Variants in NDUFAF2 observed in about 807,000 individuals in gnomAD.
NDUFAF2 encodes the protein NADH:ubiquinone oxidoreductase complex assembly factor 2, also known as NADH dehydrogenase [ubiquinone] 1 alpha subcomplex assembly factor 2.
Under a neutral mutation model 22.8 loss-of-function variants are expected in NDUFAF2, and 13 were observed. The observed-to-expected ratio is 0.57, with a 90% CI of 0.37 to 0.91. NDUFAF2 has a LOEUF of 0.91. NDUFAF2 is among the 40% of genes least tolerant of loss of function. The probability of loss-of-function intolerance (pLI) is 0.01; values close to 1 mark genes in which losing one functional copy is unlikely to be tolerated. For synonymous variants in NDUFAF2, 53 were observed against 64.2 expected, an observed-to-expected ratio of 0.83 and a Z score of 0.84; for missense variants, 162 against 195.2, an observed-to-expected ratio of 0.83 and a Z score of 1.01.
At chr5:61,096,683 G>C (rs1266470412) in intron 2 of NDUFAF2, among the ~76,000 whole-genome samples, 1 of 151,916 alleles carries the variant, frequency 6.6e-6, no homozygotes, top group Non-Finnish European at 1.5e-5. Flanking sequence ...CAGAATACAG[G>C]CTGGGTGCAG....
chr5:61,087,804 A>G (rs1386485219), intron 2 of NDUFAF2, among the ~76,000 whole-genome samples: 1 of 152,188 alleles, frequency 6.6e-6, no homozygotes, highest in Non-Finnish European at 1.5e-5. Flanking sequence ...CTTCCATGCA[A>G]AGGAATACTA....
rs530083840 is a variant in NDUFAF2, at chr5:60,970,611, T to C, written c.127+25229T>C. Among the ~76,000 whole-genome samples the C allele has an allele frequency of 7.2e-5, 11 of 152,314 alleles. No homozygotes were observed. The East Asian group carries it at 1.7e-3, about 24-fold the overall frequency. On this transcript the variant is annotated intron_variant, in intron 1 of 3. Transcript: ENST00000296597. ...GTTTTTTAGTGGAGTATTTAGGTTA[T>C]TCCAAATATAAGATCATATCCTCTG...
intron 1 of NDUFAF2, among the ~76,000 whole-genome samples, chr5:61,050,067 A>G (rs1463934374): frequency 2.0e-5 from 3 of 151,930 alleles, no homozygotes; most frequent in Non-Finnish European, 4.4e-5. Context: ...TCTGCTTTCA[A>G]TTCTTTTGGT....
At chr5:61,049,198 A>AT (rs1170431127) in intron 1 of NDUFAF2, among the ~76,000 whole-genome samples, 1 of 152,120 alleles carries the variant, frequency 6.6e-6, no homozygotes, top group Non-Finnish European at 1.5e-5. Flanking sequence ...TAAAACTGTT[A>AT]TAAATAAGTC....
At chr5:61,080,158 A>G (rs1256636357) in intron 2 of NDUFAF2, among the ~76,000 whole-genome samples, 5 of 152,114 alleles carry the variant, frequency 3.3e-5, no homozygotes, top group Admixed American at 3.3e-4. Flanking sequence ...ATTCTGTCAT[A>G]TTGATATATC....
At chr5:60,988,419 GA>G (rs1165395325) in intron 1 of NDUFAF2, among the ~76,000 whole-genome samples, 1 of 152,056 alleles carries the variant, frequency 6.6e-6, no homozygotes. Context: ...CACAGAACTA[GA>G]AAAAAACTTT....
chr5:61,046,308 AG>A (rs1422158619), intron 1 of NDUFAF2, among the ~76,000 whole-genome samples: 2 of 152,110 alleles, frequency 1.3e-5, no homozygotes, highest in African/African-American at 4.8e-5. Flanking sequence ...TTTTAGTATT[AG>A]GGTAATGCTG....
chr5:60,989,135 A>C (rs1487017779), intron 1 of NDUFAF2, among the ~76,000 whole-genome samples: 1 of 152,246 alleles, frequency 6.6e-6, no homozygotes, highest in Non-Finnish European at 1.5e-5. Context: ...GAAGACATAC[A>C]TGCAGCCAAC....
At chr5:60,953,070 A>C (rs1192910416) in intron 1 of NDUFAF2, among the ~76,000 whole-genome samples, 1 of 152,140 alleles carries the variant, frequency 6.6e-6, no homozygotes, top group Non-Finnish European at 1.5e-5. Flanking sequence ...AATAATGGCC[A>C]AAAATATTCC....
At chr5:61,111,558 C>T (rs940316705) in intron 3 of NDUFAF2, among the ~76,000 whole-genome samples, 1 of 151,954 alleles carries the variant, frequency 6.6e-6, no homozygotes, top group Non-Finnish European at 1.5e-5. Flanking sequence ...CACCTCAGCC[C>T]CCCAAGTAGC....
intron 1 of NDUFAF2, among the ~76,000 whole-genome samples, chr5:61,045,352 T>C (rs10063039): frequency 0.064 from 9,502 of 148,440 alleles, 1,021 homozygotes; most frequent in African/African-American, 0.22. Flanking sequence ...AAATTTTTAT[T>C]TTAAAATTTC....
intron 3 of NDUFAF2, among the ~76,000 whole-genome samples, chr5:61,121,699 C>T (rs1057079781): frequency 6.6e-6 from 1 of 152,010 alleles, no homozygotes; most frequent in African/African-American, 2.4e-5. Flanking sequence ...TTGAGTGAAG[C>T]AGCTTACCCT....
intron 1 of NDUFAF2, among the ~76,000 whole-genome samples, chr5:60,988,079 C>T (rs1447421528): frequency 6.6e-6 from 1 of 152,136 alleles, no homozygotes; most frequent in East Asian, 1.9e-4. Flanking sequence ...ACAACTTTAG[C>T]AAAGTTTCAG....
chr5:60,953,256 C>T lies in NDUFAF2; in HGVS notation c.127+7874C>T, dbSNP rs559670467. Among the ~76,000 whole-genome samples the T allele has an allele frequency of 4.6e-5, 7 of 151,602 alleles. No homozygotes were observed. The South Asian group carries it at 6.3e-4, about 14-fold the overall frequency. ...TACATTACTTACAGAGGAAGAAAGA[C>T]GAAAATGAGTTCAGGGTTTTTTTTA... is the stretch of plus-strand genomic sequence containing the variant. On this transcript the variant is annotated intron_variant, in intron 1 of 3. Coordinates refer to ENST00000296597, the MANE Select transcript of NDUFAF2 (RefSeq NM_174889.5).
chr5:61,105,501 A>G (rs1390977703), intron 3 of NDUFAF2, among the ~76,000 whole-genome samples: 4 of 151,054 alleles, frequency 2.6e-5, no homozygotes, highest in South Asian at 2.1e-4. Flanking sequence ...GTGGAAATGA[A>G]TAAGAAAATT....
intron 2 of NDUFAF2, among the ~76,000 whole-genome samples, chr5:61,091,584 T>C (rs1422757539): frequency 6.6e-6 from 1 of 152,220 alleles, no homozygotes; most frequent in African/African-American, 2.4e-5. Flanking sequence ...CTTTGTCAGA[T>C]GCATAGTTGG....
At chr5:61,100,984 T>C (rs1182830618) in intron 3 of NDUFAF2, among the ~76,000 whole-genome samples, 5 of 152,180 alleles carry the variant, frequency 3.3e-5, no homozygotes, top group Non-Finnish European at 7.4e-5. Flanking sequence ...TCCAGTTCTT[T>C]GACTTCATCC....
At chr5:60,986,402 A>T (rs1751077140) in intron 1 of NDUFAF2, among the ~76,000 whole-genome samples, 1 of 152,232 alleles carries the variant, frequency 6.6e-6, no homozygotes, top group Non-Finnish European at 1.5e-5. Flanking sequence ...GCAGAAAACA[A>T]GAAGTTATTT....
intron 1 of NDUFAF2, among the ~76,000 whole-genome samples, chr5:61,049,379 G>A (rs1174121410): frequency 1.3e-5 from 2 of 152,042 alleles, no homozygotes; most frequent in Non-Finnish European, 2.9e-5. Flanking sequence ...TTTACCCTCC[G>A]AAATTTGAAG....
Sources: gnomAD v4.1 joint callset for allele counts (sites outside exome capture counted in the v4.1 genomes callset) on GRCh38, gnomAD v4.1.1 for gene constraint, MANE v1.5 for transcripts, NCBI Gene and HGNC (gene_info 2026-07-23, HGNC 2026-07-21) for gene names.